TENM3: variants seen among roughly 807,000 people sequenced by gnomAD.
The protein encoded by TENM3 is teneurin-3.
A neutral mutation model predicts 255.1 loss-of-function variants in TENM3; 63 were observed. That is an observed-to-expected ratio of 0.25 (90% CI 0.20 to 0.30). The LOEUF is 0.30. TENM3 is among the 10% of genes least tolerant of loss of function. TENM3 has a pLI of 1.00. For synonymous variants in TENM3, 1,306 were observed against 1,322.3 expected (o/e 0.99, Z 0.27); for missense variants, 2,929 against 3,461.1 (o/e 0.85, Z 3.86).
chr4:182,462,886 C>CA (rs58892277), intron 3 of TENM3, among the ~76,000 whole-genome samples: 8 of 148,486 alleles, frequency 5.4e-5, no homozygotes, highest in African/African-American at 1.2e-4. Context: ...GACTCCATCT[C>CA]AAAAAAAAAA....
At chr4:182,387,298 C>A (rs376571447) in intron 3 of TENM3, among the ~76,000 whole-genome samples, 75 of 152,328 alleles carry the variant, frequency 4.9e-4, no homozygotes, top group African/African-American at 1.8e-3. Context: ...TCTAGCTGCT[C>A]TGGTGGGGCC....
chr4:182,449,166 C>G (rs1193472409), intron 3 of TENM3: 2 of 170,796 alleles, frequency 1.2e-5, no homozygotes, highest in Non-Finnish European at 1.2e-5. Context: ...GCGGCAGGGT[C>G]GCTCGCTCGC....
the TENM3 span, among the ~76,000 whole-genome samples, chr4:182,077,747 G>A: frequency 6.6e-6 from 1 of 152,114 alleles, no homozygotes; most frequent in Non-Finnish European, 1.5e-5. Flanking sequence ...AATGGGAGCT[G>A]AAGAGTAAGT....
chr4:181,758,214 A>G, the TENM3 span, among the ~76,000 whole-genome samples: 2 of 152,320 alleles, frequency 1.3e-5, no homozygotes, highest in East Asian at 3.9e-4. Context: ...TTTACCTCCC[A>G]ATGAGCTCCT....
At chr4:181,566,821 A>T in the TENM3 span, among the ~76,000 whole-genome samples, 74 of 152,266 alleles carry the variant, frequency 4.9e-4, 1 homozygote, top group South Asian at 6.2e-4. Context: ...TCTGTGCTTT[A>T]CTCAAACTGT....
intron 6 of TENM3, among the ~76,000 whole-genome samples, chr4:182,662,592 C>T (rs1354036793): frequency 6.6e-6 from 1 of 152,126 alleles, no homozygotes. Flanking sequence ...CAGGTTCAGG[C>T]TCTAGGGCTT....
chr4:181,974,833 G>A, the TENM3 span, among the ~76,000 whole-genome samples: 1 of 152,252 alleles, frequency 6.6e-6, no homozygotes, highest in South Asian at 2.1e-4. Flanking sequence ...TGTTCCATGG[G>A]TATTACATAT....
chr4:182,226,802 A>G (rs1410134978), intron 1 of TENM3, among the ~76,000 whole-genome samples: 2 of 152,180 alleles, frequency 1.3e-5, no homozygotes, highest in Admixed American at 1.3e-4. Context: ...GTGCTGAAAC[A>G]TAAAGTGACT....
the TENM3 span, among the ~76,000 whole-genome samples, chr4:181,904,766 A>G: frequency 4.6e-5 from 7 of 152,166 alleles, no homozygotes. Context: ...AAATAGTGAT[A>G]TGGTTTGGCT....
chr4:181,587,043 C>A, the TENM3 span, among the ~76,000 whole-genome samples: 107 of 152,302 alleles, frequency 7.0e-4, no homozygotes, highest in African/African-American at 2.3e-3. Context: ...ACTACCTTCT[C>A]CACCATTTCT....
At chr4:181,956,995 CTG>C in the TENM3 span, among the ~76,000 whole-genome samples, 1 of 152,118 alleles carries the variant, frequency 6.6e-6, no homozygotes, top group Non-Finnish European at 1.5e-5. Flanking sequence ...AGCGATAACT[CTG>C]TAAATTATTC....
At chr4:182,354,058 T>C (rs562678232) in intron 3 of TENM3, among the ~76,000 whole-genome samples, 26 of 152,306 alleles carry the variant, frequency 1.7e-4, no homozygotes, top group Non-Finnish European at 1.6e-4. Context: ...TTCACTACTG[T>C]TGTTGTTACT....
At chr4:181,974,460 C>G in the TENM3 span, among the ~76,000 whole-genome samples, 181 of 152,130 alleles carry the variant, frequency 1.2e-3, 9 homozygotes, top group South Asian at 0.037. Flanking sequence ...CCCAGCTACT[C>G]AGGAGGCTGA....
the TENM3 span, among the ~76,000 whole-genome samples, chr4:181,733,032 T>C: frequency 6.6e-6 from 1 of 152,200 alleles, no homozygotes; most frequent in Non-Finnish European, 1.5e-5. Flanking sequence ...CTAACTGTAC[T>C]GAGAGTACTC....
intron 19 of TENM3, among the ~76,000 whole-genome samples, chr4:182,750,170 A>G (rs79233153): frequency 0.012 from 1,812 of 152,298 alleles, 21 homozygotes; most frequent in Non-Finnish European, 0.019. Flanking sequence ...GGCATAACCC[A>G]GTTGTTCTGA....
At chr4:181,602,596 A>G in the TENM3 span, among the ~76,000 whole-genome samples, 2 of 152,230 alleles carry the variant, frequency 1.3e-5, no homozygotes, top group Non-Finnish European at 2.9e-5. Context: ...TAGACAAGTC[A>G]TCCACTCTTG....
At chr4:182,015,550 T>TTTTATTTATTTA in the TENM3 span, among the ~76,000 whole-genome samples, 968 of 150,094 alleles carry the variant, frequency 6.4e-3, 5 homozygotes, top group African/African-American at 0.013. Context: ...TGATTTTAAT[T>TTTTATTTATTTA]TTTATTTATT....
chr4:182,095,681 C>A, the TENM3 span, among the ~76,000 whole-genome samples: 8 of 152,006 alleles, frequency 5.3e-5, no homozygotes, highest in Admixed American at 3.3e-4. Flanking sequence ...CTGTAGTTAA[C>A]AATTTATTGT....
intron 1 of TENM3, among the ~76,000 whole-genome samples, chr4:182,213,209 G>A (rs1027162379): frequency 6.6e-6 from 1 of 152,146 alleles, no homozygotes; most frequent in Non-Finnish European, 1.5e-5. Flanking sequence ...TAATGAATAA[G>A]GCAGAATGCA....
Sources: allele counts gnomAD v4.1 joint callset (sites outside exome capture counted in the v4.1 genomes callset), GRCh38; gene constraint gnomAD v4.1.1; transcripts MANE v1.5; gene names NCBI Gene and HGNC (gene_info 2026-07-23, HGNC 2026-07-21).